The following ADARB1 variants were observed in gnomAD, a reference collection of about 807,000 sequenced individuals.
ADARB1 encodes double-stranded RNA-specific editase 1.
ADARB1 carries 10 observed loss-of-function variants against 52.4 expected under a neutral mutation model. That is an observed-to-expected ratio of 0.19 (90% confidence interval 0.12 to 0.32). The LOEUF (loss-of-function observed/expected upper bound fraction) is 0.32. Ranked by LOEUF, ADARB1 falls within the 10% of genes least tolerant of loss-of-function variation. ADARB1 has a pLI of 1.00. For missense variants in ADARB1, 643 were observed against 922.3 expected (o/e 0.70, Z 3.92); for synonymous variants, 349 against 371.1 (o/e 0.94, Z 0.68).
chr21:45,177,675 C>T (rs183219943), intron 4 of ADARB1: 4 of 152,290 alleles, frequency 2.6e-5, no homozygotes, highest in Admixed American at 2.0e-4. Context: ...GACCACAAGA[C>T]TTGAAGGTGG....
intron 2 of ADARB1, among the ~76,000 whole-genome samples, chr21:45,131,170 C>T (rs2088908443): frequency 6.6e-6 from 1 of 152,154 alleles, no homozygotes; most frequent in Non-Finnish European, 1.5e-5. Context: ...GTTTTCTATG[C>T]CACTGTATGG....
chr21:45,213,795 A>G (rs2092813493), intron 9 of ADARB1, among the ~76,000 whole-genome samples: 2 of 152,210 alleles, frequency 1.3e-5, no homozygotes, highest in South Asian at 4.1e-4. Flanking sequence ...TTTCCCTTGA[A>G]ATATTGATGG....
intron 2 of ADARB1, chr21:45,134,712 A>G (rs1477586035): frequency 6.4e-6 from 3 of 469,944 alleles, no homozygotes; most frequent in African/African-American, 6.3e-5. Flanking sequence ...TTTTTTACAC[A>G]AGATGAAATT....
intron 9 of ADARB1, among the ~76,000 whole-genome samples, chr21:45,206,953 G>A (rs1324773546): frequency 6.6e-6 from 1 of 152,196 alleles, no homozygotes; most frequent in African/African-American, 2.4e-5. Context: ...GCTGTGCCGA[G>A]CTGATTCAGC....
chr21:45,167,160 C>T (rs1033345141), intron 2 of ADARB1, among the ~76,000 whole-genome samples: 1 of 152,330 alleles, frequency 6.6e-6, no homozygotes. Flanking sequence ...CCTGCAGGTA[C>T]TCACCTGCCA....
At chr21:45,177,471 GA>G (rs2091749797) in intron 4 of ADARB1, 1 of 152,202 alleles carries the variant, frequency 6.6e-6, no homozygotes, top group South Asian at 2.1e-4. Context: ...ACGTGAAAGA[GA>G]AAAAGTAAAG....
Position 45,223,933 on chromosome 21 carries a change from C to A in ADARB1, c.*1736C>A, listed in dbSNP as rs2093010834. 1 of 985,586 alleles carries A rather than the reference C, an allele frequency of 1.0e-6. No individual in the cohort carries two copies. The highest frequency in any genetic ancestry group is 1.2e-6 in the Non-Finnish European group (1 of 830,124). The allele number at this position is 985,586 out of a possible 1,614,324, so 61.1% of individuals were successfully genotyped here. A position where few individuals can be genotyped will look rare whatever the true frequency, so the allele number is the denominator to read the frequency against. The stretch of plus-strand genomic sequence containing the variant: ...GCCCCACAGCAGCCTCCTCCTCCAC[C>A]GAAGAGGGTAGTTGTCTCCCTGAAG... On this transcript the variant is annotated 3_prime_UTR_variant, in exon 11 of 11. Transcript: ENST00000348831.
At chr21:45,150,311 G>A (rs2090217620) in intron 2 of ADARB1, among the ~76,000 whole-genome samples, 1 of 152,074 alleles carries the variant, frequency 6.6e-6, no homozygotes, top group Admixed American at 6.6e-5. Context: ...TGAATTTGAA[G>A]TATACAAAAT....
chr21:45,216,745 C>A (rs1016387674), intron 9 of ADARB1, among the ~76,000 whole-genome samples: 5 of 151,882 alleles, frequency 3.3e-5, no homozygotes, highest in Non-Finnish European at 7.4e-5. Flanking sequence ...TATTTATTTT[C>A]TTTTATATTC....
Position 45,220,981 on chromosome 21 carries a change from G to A in ADARB1, c.1893G>A (p.Ala631=), listed in dbSNP as rs149395488. ...LGRASRLCKH[A]LYCRWMRVHG... Reference sequence around the variant, plus strand: ...GCGCGTCCCGCCTGTGTAAGCACGCGTTGTACTGTCGCTGGATGCGTGTGC... The same window carrying A: ...GCGCGTCCCGCCTGTGTAAGCACGCATTGTACTGTCGCTGGATGCGTGTGC... The change falls in exon 10 of 11, where the codon GCG becomes GCA. Residue 631 remains alanine (A), a synonymous_variant. Coordinates refer to ENST00000348831, the MANE Select transcript of ADARB1 (RefSeq NM_001112.4). This position sits in a 1 kb window ranked among gnomAD's most constrained non-coding sequence, Gnocchi z 6.3. The A allele has an allele frequency of 1.2e-5, 20 of 1,612,860 alleles. No homozygotes were observed. Among genetic ancestry groups the A allele is most frequent in the African/African-American group, 5.3e-5 (4 of 74,944 alleles).
At chr21:45,146,525 T>G (rs558363180) in intron 2 of ADARB1, among the ~76,000 whole-genome samples, 1 of 152,210 alleles carries the variant, frequency 6.6e-6, no homozygotes, top group East Asian at 1.9e-4. Flanking sequence ...TCCCTGGGAG[T>G]GGCTTGGCGT....
rs2092522498 is a variant in ADARB1 at position 45,200,279 on chromosome 21, CTGGCAGGCAGTT to C, written c.1566-4271_1566-4260del. 6.6e-6 allele frequency among the ~76,000 whole-genome samples: 1 copy of C among 152,220 alleles called. No individual in the cohort carries two copies. The highest frequency in any genetic ancestry group is 2.4e-5 in the African/African-American group (1 of 41,462). ...GGAGGTCACCAGGGTGTCCATCCCA[CTGGCAGGCAGTT>C]TGGCGGTGAATGCAGCCCCAGAGAG... On this transcript the variant is annotated intron_variant, in intron 8 of 10. Transcript: ENST00000348831. The surrounding 1 kb of genome is among the most constrained non-coding windows in gnomAD (Gnocchi z 5.0).
chr21:45,150,975 G>C lies in ADARB1; in HGVS notation c.-47-20635G>C, dbSNP rs2090255246. ...GAGCAGGGAGGGTGCCATGAGTCAGGAGGGCAGTCCTCTGTCCCTGGGTCA... is the reference window on the plus strand; with the variant it reads ...GAGCAGGGAGGGTGCCATGAGTCAGCAGGGCAGTCCTCTGTCCCTGGGTCA... On this transcript the variant is annotated intron_variant, in intron 2 of 10. Transcript: ENST00000348831. 2.0e-5 allele frequency among the ~76,000 whole-genome samples: 3 copies of C among 152,202 alleles called. No homozygotes were observed. The South Asian group carries it at 6.2e-4, about 32-fold the overall frequency.
At chr21:45,203,111 T>G (rs1008084058) in intron 8 of ADARB1, among the ~76,000 whole-genome samples, 1 of 152,176 alleles carries the variant, frequency 6.6e-6, no homozygotes, top group Non-Finnish European at 1.5e-5. Context: ...CTCCATGAAA[T>G]TAGATTGGGC....
chr21:45,165,092 G>A (rs1276852734), intron 2 of ADARB1, among the ~76,000 whole-genome samples: 2 of 152,056 alleles, frequency 1.3e-5, no homozygotes, highest in African/African-American at 2.4e-5. Flanking sequence ...CCCCCGCCCA[G>A]CCACCCTAGA....
chr21:45,160,479 G>T (rs2090906984), intron 2 of ADARB1, among the ~76,000 whole-genome samples: 1 of 152,228 alleles, frequency 6.6e-6, no homozygotes, highest in African/African-American at 2.4e-5. Flanking sequence ...ATTCAGCTTT[G>T]TTCCCTTAGA....
chr21:45,222,282 T>G lies in ADARB1; in HGVS notation c.*85T>G. 1 of 1,424,062 alleles carries G rather than the reference T, an allele frequency of 7.0e-7. No individual in the cohort carries two copies. The highest frequency in any genetic ancestry group is 9.2e-7 in the Non-Finnish European group (1 of 1,092,748). 88.2% of individuals were successfully genotyped at this position (1,424,062 alleles called of 1,614,324 possible). ...ACCTCACATCTGAACTGGGGGCAGG[T>G]GCATACCTTGGGGAGGGAGTAGGGG... is the stretch of plus-strand genomic sequence containing the variant. On this transcript the variant is annotated 3_prime_UTR_variant, in exon 11 of 11. Transcript: ENST00000348831.
intron 1 of ADARB1, among the ~76,000 whole-genome samples, chr21:45,117,653 C>T (rs760297010): frequency 1.3e-5 from 2 of 151,794 alleles, no homozygotes; most frequent in African/African-American, 4.8e-5. Context: ...GTTACAAGAA[C>T]ATATTATTCT....
chr21:45,103,456 G>A (rs1206629475), intron 1 of ADARB1, among the ~76,000 whole-genome samples: 1 of 151,630 alleles, frequency 6.6e-6, no homozygotes, highest in African/African-American at 2.4e-5. Flanking sequence ...TTGTTTTCCT[G>A]CAACTAGATG....
Sources: allele counts gnomAD v4.1 joint callset (sites outside exome capture counted in the v4.1 genomes callset), GRCh38; gene constraint gnomAD v4.1.1; non-coding constraint Gnocchi (gnomAD v3.1); transcripts MANE v1.5; gene names NCBI Gene and HGNC (gene_info 2026-07-23, HGNC 2026-07-21).